PCDH15: variants seen among roughly 807,000 people sequenced by gnomAD.
PCDH15 encodes the protein protocadherin related 15.
Under a neutral mutation model 178.5 loss-of-function variants are expected in PCDH15, and 129 were observed. That is an observed-to-expected ratio of 0.72 (90% CI 0.63 to 0.84). PCDH15 has a LOEUF of 0.84. Ranked by LOEUF, PCDH15 falls within the 40% of genes least tolerant of loss-of-function variation. The pLI is 0.00. For synonymous variants in PCDH15, 800 were observed against 732.0 expected (o/e 1.09, Z -1.50); for missense variants, 2,230 against 2,099.9 (o/e 1.06, Z -1.21).
chr10:55,354,860 A>T (rs1845036129), intron 2 of PCDH15, among the ~76,000 whole-genome samples: 1 of 152,090 alleles, frequency 6.6e-6, no homozygotes, highest in South Asian at 2.1e-4. Flanking sequence ...GACACAGAGC[A>T]ATTCTATCAC....
At chr10:55,182,981 T>A (rs974097553) in intron 1 of PCDH15, among the ~76,000 whole-genome samples, 37 of 152,066 alleles carry the variant, frequency 2.4e-4, no homozygotes, top group African/African-American at 8.7e-4. Context: ...TAGAAACATG[T>A]AGCACTACCC....
chr10:54,385,556 T>C (rs1035200039), intron 3 of PCDH15, among the ~76,000 whole-genome samples: 5 of 152,142 alleles, frequency 3.3e-5, no homozygotes, highest in African/African-American at 1.2e-4. Context: ...CAAATAAGCT[T>C]AAGTTTGATA....
intron 1 of PCDH15, among the ~76,000 whole-genome samples, chr10:54,705,809 T>C (rs1234623377): frequency 1.3e-5 from 2 of 152,226 alleles, no homozygotes; most frequent in Non-Finnish European, 2.9e-5. Context: ...ATTCTATCAT[T>C]CACTACTGCA....
intron 3 of PCDH15, among the ~76,000 whole-genome samples, chr10:54,480,563 C>T (rs1187070579): frequency 6.6e-6 from 1 of 151,898 alleles, no homozygotes; most frequent in Non-Finnish European, 1.5e-5. Context: ...AGGACTTGTC[C>T]CAAGATAAAA....
intron 2 of PCDH15, among the ~76,000 whole-genome samples, chr10:55,144,856 C>T (rs1224962727): frequency 1.3e-5 from 2 of 151,842 alleles, no homozygotes; most frequent in Non-Finnish European, 1.5e-5. Context: ...CATTACAGTG[C>T]TCCATATTTT....
intron 1 of PCDH15, among the ~76,000 whole-genome samples, chr10:54,785,383 C>T (rs1180230258): frequency 6.6e-6 from 1 of 151,906 alleles, no homozygotes; most frequent in East Asian, 1.9e-4. Flanking sequence ...TCTTAAGCTT[C>T]ATATTTTAGC....
chr10:54,405,844 GT>G (rs371939135), intron 3 of PCDH15, among the ~76,000 whole-genome samples: 13 of 147,124 alleles, frequency 8.8e-5, no homozygotes, highest in African/African-American at 1.3e-4. Flanking sequence ...AAGTTGAGGT[GT>G]TTTTTTTTTA....
intron 25 of PCDH15, among the ~76,000 whole-genome samples, chr10:53,904,073 C>T (rs2082507926): frequency 6.6e-6 from 1 of 152,152 alleles, no homozygotes; most frequent in Admixed American, 6.5e-5. Context: ...TCCCTCAAAT[C>T]ATCACACCTT....
intron 2 of PCDH15, among the ~76,000 whole-genome samples, chr10:55,106,045 T>C (rs1009139067): frequency 6.6e-6 from 1 of 151,954 alleles, no homozygotes; most frequent in African/African-American, 2.4e-5. Flanking sequence ...TTTTTTTTGG[T>C]TGTTACAACT....
At chr10:54,079,275 C>T in intron 17 of PCDH15, 56 bp downstream of exon 17, 1 of 1,460,804 alleles carries the variant, frequency 6.8e-7, no homozygotes, top group East Asian at 2.3e-5. Flanking sequence ...TTGTTTAAGA[C>T]TCTCTCAGTT....
rs535637910 is a variant in PCDH15, at chr10:53,992,555, C to A, written c.2868+3094G>T. Among the ~76,000 whole-genome samples the A allele has an allele frequency of 3.3e-5, 5 of 152,300 alleles. No homozygotes were observed. The South Asian group carries it at 1.0e-3, about 32-fold the overall frequency. ...ATCCCAATTATTCCATGTTCACATACTCACAAAAGACTATTCTGTCACAAT... is the reference window on the plus strand; with the variant it reads ...ATCCCAATTATTCCATGTTCACATAATCACAAAAGACTATTCTGTCACAAT... On this transcript the variant is annotated intron_variant, in intron 21 of 37. Transcript: ENST00000644397.
At chr10:54,325,499 A>G (rs11004236) in intron 7 of PCDH15, among the ~76,000 whole-genome samples, 7,578 of 152,108 alleles carry the variant, frequency 0.05, 575 homozygotes, top group African/African-American at 0.17. Context: ...GTGTAATCCC[A>G]ACACTTTGGG....
intron 2 of PCDH15, among the ~76,000 whole-genome samples, chr10:55,522,232 C>A (rs186344082): frequency 6.6e-6 from 1 of 151,992 alleles, no homozygotes; most frequent in African/African-American, 2.4e-5. Flanking sequence ...TTTTTGATAA[C>A]AGTCATTCTA....
chr10:54,827,969 A>G (rs1374034394), intron 3 of PCDH15, among the ~76,000 whole-genome samples: 1 of 152,192 alleles, frequency 6.6e-6, no homozygotes, highest in African/African-American at 2.4e-5. Context: ...CATTATATAC[A>G]TAGATATGCA....
intron 35 of PCDH15, among the ~76,000 whole-genome samples, chr10:53,813,160 A>G (rs1234201485): frequency 6.6e-6 from 1 of 152,178 alleles, no homozygotes; most frequent in Non-Finnish European, 1.5e-5. Flanking sequence ...ATTAATTTTT[A>G]CAGCAAGCAT....
At chr10:54,404,806 G>GA (rs1162101865) in intron 3 of PCDH15, among the ~76,000 whole-genome samples, 1 of 151,322 alleles carries the variant, frequency 6.6e-6, no homozygotes, top group Non-Finnish European at 1.5e-5. Flanking sequence ...AATTTTTAAG[G>GA]AAAAAAACCA....
intron 13 of PCDH15, among the ~76,000 whole-genome samples, chr10:54,181,701 C>G (rs1414788261): frequency 6.6e-6 from 1 of 152,104 alleles, no homozygotes; most frequent in African/African-American, 2.4e-5. Context: ...AAAACACATT[C>G]ATTTTATTAA....
intron 2 of PCDH15, among the ~76,000 whole-genome samples, chr10:54,959,634 AT>A (rs955582681): frequency 6.6e-6 from 1 of 152,148 alleles, no homozygotes; most frequent in Non-Finnish European, 1.5e-5. Context: ...ATCAATGTGA[AT>A]TATTAAGTGA....
intron 2 of PCDH15, among the ~76,000 whole-genome samples, chr10:55,147,651 CT>C (rs11475560): frequency 0.6 from 63,781 of 105,750 alleles, 14,269 homozygotes; most frequent in Middle Eastern, 0.65. Flanking sequence ...TTTCCTCTTC[CT>C]TTTTTTTTTA....
Sources: allele counts gnomAD v4.1 joint callset (sites outside exome capture counted in the v4.1 genomes callset), GRCh38; gene constraint gnomAD v4.1.1; transcripts MANE v1.5; gene names NCBI Gene and HGNC (gene_info 2026-07-23, HGNC 2026-07-21).